The following CPS1 variants were observed in gnomAD, a reference collection of about 807,000 sequenced individuals.
CPS1 encodes the protein carbamoyl-phosphate synthase [ammonia], mitochondrial.
In CPS1, 109 loss-of-function variants were observed where a neutral mutation model predicts 174.6. The observed-to-expected ratio is 0.62, with a 90% CI of 0.53 to 0.73. The LOEUF (loss-of-function observed/expected upper bound fraction) is 0.73. Among genes scored for constraint, CPS1 ranks in the 30% least tolerant of loss-of-function variants. The pLI, the probability that CPS1 is intolerant of heterozygous loss-of-function variation, is 0.00. For missense variants in CPS1, 1,689 were observed against 1,821.9 expected, an observed-to-expected ratio of 0.93 and a Z score of 1.33; for synonymous variants, 637 against 632.0, an observed-to-expected ratio of 1.01 and a Z score of -0.12.
intron 15 of CPS1, 21 bp downstream of exon 15, chr2:210,600,733 A>G (rs2105840689): frequency 6.2e-7 from 1 of 1,610,962 alleles, no homozygotes; most frequent in Middle Eastern, 1.7e-4. Context: ...TTTGCTTTGG[A>G]AAAACAAGGG....
In CPS1 at chr2:210,590,195, C is replaced by T. The variant is rs1574560716; in HGVS notation, c.801C>T (p.Asn267=). The change falls in exon 8 of 38, where the codon AAC becomes AAT. Residue 267 remains asparagine (N), a synonymous_variant. Transcript: ENST00000233072. The part of the protein sequence containing the change: ...DGILIAGGPG[N]PALAEPLIQN... ...TTTTGATCGCGGGAGGACCGGGGAACCCAGCTCTTGCAGAACCACTAATTC... is the reference window on the plus strand; with the variant it reads ...TTTTGATCGCGGGAGGACCGGGGAATCCAGCTCTTGCAGAACCACTAATTC... The T allele has an allele frequency of 6.2e-7, 1 of 1,612,896 alleles. No individual in the cohort carries two copies. Among genetic ancestry groups the T allele is most frequent in the Non-Finnish European group, 8.5e-7 (1 of 1,179,200 alleles).
At chr2:210,508,081 T>C (rs1424452903) in intron 1 of CPS1, among the ~76,000 whole-genome samples, 1 of 151,452 alleles carries the variant, frequency 6.6e-6, no homozygotes, top group South Asian at 2.1e-4. Context: ...AGACATTCTT[T>C]TCAGCACCAC....
At chr2:210,585,272 G>C (rs2106098408) in intron 6 of CPS1, among the ~76,000 whole-genome samples, 1 of 151,780 alleles carries the variant, frequency 6.6e-6, no homozygotes, top group East Asian at 1.9e-4. Flanking sequence ...TACAGTTGGT[G>C]GTAAAGAAAT....
intron 1 of CPS1, among the ~76,000 whole-genome samples, chr2:210,508,569 A>C (rs1193349854): frequency 3.3e-5 from 5 of 152,178 alleles, no homozygotes; most frequent in African/African-American, 9.7e-5. Flanking sequence ...AAAACCCTTC[A>C]AAAAATCAAT....
At chr2:210,656,178 C>T (rs1192538370) in intron 29 of CPS1, among the ~76,000 whole-genome samples, 3 of 152,118 alleles carry the variant, frequency 2.0e-5, no homozygotes, top group African/African-American at 7.2e-5. Context: ...TTCCCAGTGC[C>T]TAAAAGATAA....
chr2:210,613,990 G>T (rs1699220944), intron 20 of CPS1, among the ~76,000 whole-genome samples: 1 of 151,946 alleles, frequency 6.6e-6, no homozygotes, highest in Admixed American at 6.6e-5. Flanking sequence ...AGAATGAAGG[G>T]AGTGTGTAAA....
intron 1 of CPS1, among the ~76,000 whole-genome samples, chr2:210,549,998 A>G (rs2106025064): frequency 6.6e-6 from 1 of 152,184 alleles, no homozygotes; most frequent in East Asian, 1.9e-4. Flanking sequence ...ATAGAAACAT[A>G]TAAGACATTC....
chr2:210,541,764 C>T (rs1574505701), intron 1 of CPS1, among the ~76,000 whole-genome samples: 1 of 152,184 alleles, frequency 6.6e-6, no homozygotes, highest in Admixed American at 6.5e-5. Context: ...ACACTTTACT[C>T]ATCCAGACTG....
At chr2:210,527,707 C>T (rs3914068) in intron 1 of CPS1, among the ~76,000 whole-genome samples, 4,279 of 151,858 alleles carry the variant, frequency 0.028, 90 homozygotes, top group Middle Eastern at 0.051. Flanking sequence ...CTTATGGACA[C>T]GTTCAATGTC....
At chr2:210,608,313 T>C in intron 18 of CPS1, 48 bp from the exon 19 acceptor site, 1 of 1,579,512 alleles carries the variant, frequency 6.3e-7, no homozygotes, top group South Asian at 1.1e-5. Context: ...TGGTCTGTTT[T>C]CAATAATTGC....
At chr2:210,547,500 C>G (rs1335751914) in intron 1 of CPS1, among the ~76,000 whole-genome samples, 6 of 151,600 alleles carry the variant, frequency 4.0e-5, no homozygotes, top group Non-Finnish European at 5.9e-5. Flanking sequence ...TTTTCTTACC[C>G]CATATATTAA....
intron 21 of CPS1, among the ~76,000 whole-genome samples, chr2:210,625,112 G>A (rs1045486510): frequency 2.6e-5 from 4 of 151,734 alleles, no homozygotes; most frequent in African/African-American, 9.7e-5. Context: ...ATTATGTATT[G>A]GGTACCTACT....
Position 210,576,418 on chromosome 2 carries a change from T to C in CPS1, c.309T>C (p.Asn103=). The change falls in exon 3 of 38, where the codon AAT becomes AAC. Residue 103 remains asparagine (N), a synonymous_variant. Coordinates refer to ENST00000233072, the MANE Select transcript of CPS1 (RefSeq NM_001875.5). ...CAATGGCCAACCCTATTATTGGGAA[T>C]GGTGGAGCTCCTGATACTACTGCTC... ...ILTMANPIIG[N]GGAPDTTALD... The C allele has an allele frequency of 6.2e-7, 1 of 1,613,754 alleles. No individual in the cohort carries two copies.
At chr2:210,582,470 G>A (rs563696723) in intron 5 of CPS1, 147 bp from the exon 6 acceptor site, 53 of 685,980 alleles carry the variant, frequency 7.7e-5, no homozygotes, top group Non-Finnish European at 1.3e-4. Context: ...TTTTCAGTTT[G>A]AGAAGATGAA....
intron 1 of CPS1, among the ~76,000 whole-genome samples, chr2:210,564,725 G>C (rs1697242896): frequency 6.6e-6 from 1 of 152,140 alleles, no homozygotes; most frequent in Non-Finnish European, 1.5e-5. Flanking sequence ...GGACTTGGTG[G>C]CTCACACCTG....
intron 1 of CPS1, among the ~76,000 whole-genome samples, chr2:210,557,650 A>G (rs1696956812): frequency 6.6e-6 from 1 of 152,100 alleles, no homozygotes; most frequent in African/African-American, 2.4e-5. Flanking sequence ...GAACTTTGCC[A>G]ATGAAAATAA....
chr2:210,556,410 C>A, upstream of CPS1: 1 of 530,560 alleles, frequency 1.9e-6, no homozygotes, highest in Non-Finnish European at 3.5e-6. Flanking sequence ...GCTGCATAAA[C>A]AATTCCTTTG....
At chr2:210,531,239 C>T (rs764957897) in intron 1 of CPS1, among the ~76,000 whole-genome samples, 31 of 151,842 alleles carry the variant, frequency 2.0e-4, no homozygotes, top group Non-Finnish European at 2.5e-4. Context: ...AGGGCAAAGA[C>T]GGGGGAAAAA....
intron 1 of CPS1, among the ~76,000 whole-genome samples, chr2:210,511,028 T>C (rs1423336939): frequency 1.3e-5 from 2 of 151,846 alleles, no homozygotes; most frequent in Non-Finnish European, 2.9e-5. Flanking sequence ...ATCCCATTAC[T>C]GGATGTATAT....
Sources: gnomAD v4.1 joint callset for allele counts (sites outside exome capture counted in the v4.1 genomes callset) on GRCh38, gnomAD v4.1.1 for gene constraint, MANE v1.5 for transcripts, NCBI Gene and HGNC (gene_info 2026-07-23, HGNC 2026-07-21) for gene names.